SYTL5: variants seen among roughly 807,000 people sequenced by gnomAD.
The protein encoded by SYTL5 is synaptotagmin-like protein 5.
SYTL5 carries 34 observed loss-of-function variants against 55.9 expected under a neutral mutation model. The ratio of observed to expected loss-of-function variants is 0.61; its 90% confidence interval spans 0.46 to 0.81. SYTL5 has a LOEUF of 0.81. Among genes scored for constraint, SYTL5 ranks in the 30% least tolerant of loss-of-function variants. The probability of loss-of-function intolerance (pLI) is 0.00; values close to 1 mark genes in which losing one functional copy is unlikely to be tolerated. For synonymous variants in SYTL5, 221 were observed against 188.7 expected, an observed-to-expected ratio of 1.17 and a Z score of -1.40; for missense variants, 637 against 546.7, an observed-to-expected ratio of 1.17 and a Z score of -1.65.
At chrX:37,982,240 A>G in the SYTL5 span, among the ~76,000 whole-genome samples, 1 of 112,126 alleles carries the variant, frequency 8.9e-6, no homozygotes, top group Non-Finnish European at 1.9e-5. Flanking sequence ...AATCATAAAA[A>G]GGAACCAAAT....
chrX:38,003,079 T>A (rs1226902784), upstream of SYTL5, among the ~76,000 whole-genome samples: 1 of 111,998 alleles, frequency 8.9e-6, no homozygotes, highest in African/African-American at 3.2e-5. Context: ...TTCAGCTTTC[T>A]ACATATGGCT....
Position 38,073,643 on chromosome X carries a change from G to T in SYTL5, c.499G>T (p.Asp167Tyr), listed in dbSNP as rs772332075. ...EQTRQDAEKS[D>Y]TSPVAGKKAS... ...AACCCGCCAGGATGCAGAAAAGTCA[G>T]ACACTTCACCTGTTGCTGGGAAGAA... The change falls in exon 5 of 17, where the codon GAC becomes TAC. Residue 167 changes from aspartate to tyrosine, a missense_variant. Coordinates refer to ENST00000297875, the MANE Select transcript of SYTL5 (RefSeq NM_138780.3). 8.3e-6 allele frequency: 10 copies of T among 1,200,801 alleles called. No individual in the cohort carries two copies. The highest frequency in any genetic ancestry group is 1.1e-5 in the Non-Finnish European group (10 of 890,119).
the SYTL5 span, among the ~76,000 whole-genome samples, chrX:37,930,132 C>T: frequency 8.9e-6 from 1 of 111,842 alleles, no homozygotes; most frequent in East Asian, 2.8e-4. Context: ...GACAACCTGA[C>T]CCGTCCGCTG....
chrX:38,064,770 T>A (rs1485952765), intron 3 of SYTL5, among the ~76,000 whole-genome samples: 1 of 111,342 alleles, frequency 9.0e-6, no homozygotes, highest in African/African-American at 3.2e-5. Context: ...ATATGTTATA[T>A]GTATTTTAAT....
the SYTL5 span, among the ~76,000 whole-genome samples, chrX:37,970,317 A>G: frequency 9.3e-6 from 1 of 107,508 alleles, no homozygotes; most frequent in Non-Finnish European, 1.9e-5. Context: ...AATTTACCAC[A>G]CAAGATTCTT....
At chrX:38,037,821 GAT>G in intron 2 of SYTL5, among the ~76,000 whole-genome samples, 1 of 79,200 alleles carries the variant, frequency 1.3e-5, no homozygotes, top group Non-Finnish European at 3.2e-5. Context: ...TAGATAGATA[GAT>G]AGATAGATAG....
At chrX:38,000,700 A>C in the SYTL5 span, among the ~76,000 whole-genome samples, 1 of 112,148 alleles carries the variant, frequency 8.9e-6, no homozygotes, top group Admixed American at 9.4e-5. Context: ...GCCTTGGTGT[A>C]CTGGAAGAAT....
chrX:37,971,882 T>C, the SYTL5 span, among the ~76,000 whole-genome samples: 1 of 108,361 alleles, frequency 9.2e-6, no homozygotes, highest in Non-Finnish European at 1.9e-5. Flanking sequence ...GTGCTGTTTG[T>C]GGGATCCATG....
chrX:38,089,609 A>G, intron 7 of SYTL5, 22 bp downstream of exon 7: 1 of 1,193,353 alleles, frequency 8.4e-7, no homozygotes, highest in Non-Finnish European at 1.1e-6. Flanking sequence ...AACCTGATGA[A>G]CACCGTATTA....
At chrX:38,044,212 A>G (rs1935390704) in intron 2 of SYTL5, among the ~76,000 whole-genome samples, 3 of 111,746 alleles carry the variant, frequency 2.7e-5, no homozygotes, top group African/African-American at 9.7e-5. Context: ...TGGTGACAAC[A>G]TTTCTTGTAT....
intron 3 of SYTL5, among the ~76,000 whole-genome samples, chrX:38,059,324 A>G (rs1362413259): frequency 9.0e-6 from 1 of 111,710 alleles, no homozygotes; most frequent in Non-Finnish European, 1.9e-5. Flanking sequence ...CCGTAAACCT[A>G]GTGGTTTTTT....
At chrX:37,992,827 A>G in the SYTL5 span, among the ~76,000 whole-genome samples, 1 of 111,983 alleles carries the variant, frequency 8.9e-6, no homozygotes, top group African/African-American at 3.2e-5. Context: ...GAACACGTCA[A>G]TACCATCCAG....
At chrX:37,895,453 C>T in the SYTL5 span, among the ~76,000 whole-genome samples, 5 of 91,914 alleles carry the variant, frequency 5.4e-5, no homozygotes, top group African/African-American at 2.2e-4. Flanking sequence ...TCCTTCCTTC[C>T]TTCCCTCCCT....
At chrX:38,123,151 T>C (rs890348154) in intron 15 of SYTL5, among the ~76,000 whole-genome samples, 5 of 112,236 alleles carry the variant, frequency 4.5e-5, no homozygotes, top group Non-Finnish European at 7.5e-5. Flanking sequence ...GTTTTTGTTT[T>C]TGTTTTGAGA....
At position 38,125,466 on chromosome X, in the gene SYTL5, C is replaced by A. The variant is rs760283295; in HGVS notation, c.2010C>A (p.Ser670Arg). ...TCTGGGACAAGGAGGCCTTTTCCAG[C>A]AACATCTTTCTGGGAGGAGTTCGTT... ...LTIWDKEAFS[S>R]NIFLGGVRLN... Residue 670 changes from serine (S) to arginine (R), a missense_variant, in exon 16 of 17, where the codon AGC becomes AGA. By Grantham distance (110) the Ser-to-Arg change is moderately radical. Coordinates refer to ENST00000297875, the MANE Select transcript of SYTL5 (RefSeq NM_138780.3). 1.5e-5 allele frequency: 18 copies of A among 1,209,748 alleles called. No homozygotes were observed. The highest frequency in any genetic ancestry group is 2.0e-5 in the Non-Finnish European group (18 of 894,881).
At chrX:38,033,273 G>A (rs1935012022) in intron 1 of SYTL5, among the ~76,000 whole-genome samples, 1 of 111,541 alleles carries the variant, frequency 9.0e-6, no homozygotes, top group Middle Eastern at 4.6e-3. Context: ...GTGGCGACGT[G>A]ATGCAGCTGG....
the SYTL5 span, among the ~76,000 whole-genome samples, chrX:37,914,327 A>G: frequency 3.4e-4 from 38 of 112,066 alleles, no homozygotes; most frequent in African/African-American, 1.2e-3. Context: ...AAATAATCTA[A>G]TTGTCCATTG....
the SYTL5 span, chrX:37,991,150 G>A: frequency 7.4e-6 from 9 of 1,209,090 alleles, no homozygotes; most frequent in Admixed American, 4.4e-5. Flanking sequence ...GATGTGACTC[G>A]CTTTTTGTTT....
intron 9 of SYTL5, among the ~76,000 whole-genome samples, chrX:38,101,649 A>ATGTGTGTGTGTGTATATATG (rs1555935591): frequency 8.3e-5 from 9 of 108,547 alleles, no homozygotes; most frequent in Non-Finnish European, 9.6e-5. Context: ...GTATATATGT[A>ATGTGTGTGTGTGTATATATG]TGTGTGTGTG....
Sources: allele counts gnomAD v4.1 joint callset (sites outside exome capture counted in the v4.1 genomes callset), GRCh38; gene constraint gnomAD v4.1.1; transcripts MANE v1.5; gene names NCBI Gene and HGNC (gene_info 2026-07-23, HGNC 2026-07-21).